Variants in PHF21A observed in about 807,000 individuals in gnomAD.
PHF21A encodes the protein PHD finger protein 21A.
In PHF21A, 11 loss-of-function variants were observed where a neutral mutation model predicts 82.5. That is an observed-to-expected ratio of 0.13 (90% CI 0.08 to 0.22). The LOEUF is 0.22. PHF21A is among the 10% of genes least tolerant of loss of function. The pLI, the probability that PHF21A is intolerant of heterozygous loss-of-function variation, is 1.00. For synonymous variants in PHF21A, 297 were observed against 302.8 expected (o/e 0.98, Z 0.20); for missense variants, 579 against 837.8 (o/e 0.69, Z 3.81).
chr11:46,115,715 A>G (rs367871548), intron 1 of PHF21A, among the ~76,000 whole-genome samples: 71 of 152,334 alleles, frequency 4.7e-4, no homozygotes, highest in African/African-American at 1.5e-3. Context: ...AGTTCTAGAT[A>G]TAGATATAAA....
In PHF21A at chr11:45,935,743, A is replaced by C; in HGVS notation, c.1685-4T>G. ...TTCTGTTTCTCTTCTTCTTTTGCTAAAAAAAAAAAAAAAAAAAAAAAGGAA... is the reference window on the plus strand; with the variant it reads ...TTCTGTTTCTCTTCTTCTTTTGCTACAAAAAAAAAAAAAAAAAAAAAGGAA... On this transcript the variant is annotated splice_region_variant and splice_polypyrimidine_tract_variant and intron_variant, in intron 17 of 18. Coordinates refer to ENST00000676320, the MANE Select transcript of PHF21A (RefSeq NM_001352027.3). 3.5e-5 allele frequency: 1 copy of C among 28,884 alleles called. No individual in the cohort carries two copies. The highest frequency in any genetic ancestry group is 5.9e-5 in the Non-Finnish European group (1 of 17,068). The allele number at this position is 28,884 out of a possible 1,614,324, so 1.8% of individuals were successfully genotyped here. A position where few individuals can be genotyped will look rare whatever the true frequency, so the allele number is the denominator to read the frequency against.
At chr11:46,074,089 A>G (rs2096690769) in intron 6 of PHF21A, among the ~76,000 whole-genome samples, 1 of 152,102 alleles carries the variant, frequency 6.6e-6, no homozygotes, top group Admixed American at 6.5e-5. Flanking sequence ...ACCGCAAGAA[A>G]TAGTGACTAT....
Position 45,950,391 on chromosome 11 carries a change from C to G in PHF21A, c.1096-134G>C, listed in dbSNP as rs11038721. The stretch of plus-strand genomic sequence containing the variant: ...ATGAATGCACAAGAGCAGGCATTCT[C>G]TAAGCAGCCATGGAGATCCTCTACA... On this transcript the variant is annotated intron_variant, in intron 11 of 18. Coordinates refer to ENST00000676320, the MANE Select transcript of PHF21A (RefSeq NM_001352027.3). 53 of 596,664 alleles carry G rather than the reference C, an allele frequency of 8.9e-5. No individual in the cohort carries two copies. The Admixed American group carries it at 1.5e-3, about 17-fold the overall frequency. The allele number at this position is 596,664 out of a possible 1,614,324, so 37.0% of individuals were successfully genotyped here.
chr11:45,997,670 C>A (rs1464895164), intron 6 of PHF21A, among the ~76,000 whole-genome samples: 1 of 152,132 alleles, frequency 6.6e-6, no homozygotes, highest in East Asian at 1.9e-4. Flanking sequence ...CTCTCTATAA[C>A]CACGTTAAGA....
intron 6 of PHF21A, among the ~76,000 whole-genome samples, chr11:46,037,470 C>T (rs1182650093): frequency 6.6e-6 from 1 of 151,982 alleles, no homozygotes; most frequent in Non-Finnish European, 1.5e-5. Context: ...GGAGAAACCC[C>T]GTCTCTACTA....
At chr11:46,053,899 A>C (rs187120234) in intron 6 of PHF21A, among the ~76,000 whole-genome samples, 59 of 152,308 alleles carry the variant, frequency 3.9e-4, no homozygotes, top group African/African-American at 1.4e-3. Context: ...TGATGATTAC[A>C]ACCCCTCCAA....
At chr11:46,038,300 G>C (rs2096058835) in intron 6 of PHF21A, among the ~76,000 whole-genome samples, 1 of 151,848 alleles carries the variant, frequency 6.6e-6, no homozygotes, top group African/African-American at 2.4e-5. Context: ...GCTAATTTTT[G>C]TATTTTTAGT....
At chr11:46,062,717 G>C (rs189185640) in intron 6 of PHF21A, among the ~76,000 whole-genome samples, 4 of 152,188 alleles carry the variant, frequency 2.6e-5, no homozygotes, top group Admixed American at 2.0e-4. Context: ...ATACACTACT[G>C]AAAGGAATGT....
At chr11:46,019,728 T>C (rs1463444571) in intron 6 of PHF21A, among the ~76,000 whole-genome samples, 1 of 152,186 alleles carries the variant, frequency 6.6e-6, no homozygotes, top group East Asian at 1.9e-4. Context: ...ATTTAACTGG[T>C]TCCTTTGTTT....
chr11:46,005,883 C>T (rs1055958032), intron 6 of PHF21A, among the ~76,000 whole-genome samples: 2 of 152,034 alleles, frequency 1.3e-5, no homozygotes, highest in Admixed American at 6.6e-5. Context: ...GCATGTGAAT[C>T]GTATTCATTT....
At chr11:46,105,050 C>T (rs745340322) in intron 1 of PHF21A, among the ~76,000 whole-genome samples, 2 of 152,144 alleles carry the variant, frequency 1.3e-5, no homozygotes, top group Non-Finnish European at 2.9e-5. Context: ...TACTAGTTTA[C>T]ACATTAACTC....
chr11:45,977,587 A>T (rs991018538), intron 7 of PHF21A, among the ~76,000 whole-genome samples: 2 of 152,198 alleles, frequency 1.3e-5, no homozygotes, highest in African/African-American at 4.8e-5. Context: ...GAAAGAGAAC[A>T]ACCTAACCCA....
Position 46,089,615 on chromosome 11 carries a change from T to C in PHF21A, c.-84+840A>G, listed in dbSNP as rs193003139. ...CTCTGAATGTGGTAAGGCTGCTATGTTAAAATTCTGGTGTGACAGCTATTG... is the reference window on the plus strand; with the variant it reads ...CTCTGAATGTGGTAAGGCTGCTATGCTAAAATTCTGGTGTGACAGCTATTG... On this transcript the variant is annotated intron_variant, in intron 3 of 18. Transcript: ENST00000676320. Among the ~76,000 whole-genome samples, 235 of 152,060 alleles carry C rather than the reference T, an allele frequency of 1.5e-3. 1 individual carries two copies. The highest frequency in any genetic ancestry group is 3.7e-3 in the Admixed American group (57 of 15,262).
At chr11:45,995,937 A>G (rs1025072402) in intron 6 of PHF21A, among the ~76,000 whole-genome samples, 1 of 152,124 alleles carries the variant, frequency 6.6e-6, no homozygotes, top group Non-Finnish European at 1.5e-5. Context: ...CTTTTTTTAA[A>G]AAAATAATTT....
rs185084377 is a variant in PHF21A at position 46,053,303 on chromosome 11, G to A, written c.153+23451C>T. 7.2e-4 allele frequency among the ~76,000 whole-genome samples: 109 copies of A among 152,102 alleles called. 2 individuals are homozygous for A. The East Asian group carries it at 0.015, about 20-fold the overall frequency. On this transcript the variant is annotated intron_variant, in intron 6 of 18. Coordinates refer to ENST00000676320, the MANE Select transcript of PHF21A (RefSeq NM_001352027.3). Reference sequence around the variant, plus strand: ...TTATTAGTGAAACAAATACCTAAAAGTAAAGGGTACTAACTTCTAGTCCTC... The same window carrying A: ...TTATTAGTGAAACAAATACCTAAAAATAAAGGGTACTAACTTCTAGTCCTC...
chr11:45,997,092 T>C (rs2094934030), intron 6 of PHF21A, among the ~76,000 whole-genome samples: 1 of 152,248 alleles, frequency 6.6e-6, no homozygotes, highest in Non-Finnish European at 1.5e-5. Context: ...ATAAGACGCT[T>C]AGTATTTCTG....
chr11:45,955,225 T>G (rs954207355), intron 10 of PHF21A, among the ~76,000 whole-genome samples: 1 of 152,112 alleles, frequency 6.6e-6, no homozygotes, highest in Non-Finnish European at 1.5e-5. Context: ...AAGAGTTGAT[T>G]GGGCTTCTGG....
chr11:46,001,974 T>C (rs1432917076), intron 6 of PHF21A, among the ~76,000 whole-genome samples: 1 of 152,166 alleles, frequency 6.6e-6, no homozygotes, highest in Admixed American at 6.5e-5. Context: ...GAAAACAAAA[T>C]ACTTATGGCA....
rs540931449 is a variant in PHF21A at position 45,938,011 on chromosome 11, C to T, written c.1608+146G>A. On this transcript the variant is annotated intron_variant, in intron 16 of 18. Transcript: ENST00000676320. ...TGAGGGAATGAAGGCCATGCGCCTG[C>T]GTGCTGTGTCATAAACAGGGAAGAT... is the stretch of plus-strand genomic sequence containing the variant. The T allele has an allele frequency of 3.3e-5, 20 of 598,218 alleles. No individual in the cohort carries two copies. In the Middle Eastern group the frequency reaches 2.7e-3, roughly 81 times the overall value. 37.1% of individuals were successfully genotyped at this position (598,218 alleles called of 1,614,324 possible). A position where few individuals can be genotyped will look rare whatever the true frequency, so the allele number is the denominator to read the frequency against.
Sources: allele counts gnomAD v4.1 joint callset (sites outside exome capture counted in the v4.1 genomes callset), GRCh38; gene constraint gnomAD v4.1.1; transcripts MANE v1.5; gene names NCBI Gene and HGNC (gene_info 2026-07-23, HGNC 2026-07-21).